Variants in ZNF609 observed in about 807,000 individuals in gnomAD.
The protein encoded by ZNF609 is zinc finger protein 609.
In ZNF609, 11 loss-of-function variants were observed where a neutral mutation model predicts 109.5. The observed-to-expected ratio is 0.10, with a 90% CI of 0.06 to 0.17. The LOEUF (loss-of-function observed/expected upper bound fraction) is 0.17, where lower values mean the gene tolerates loss of function less well. ZNF609 is among the 10% of genes least tolerant of loss of function. The pLI, the probability that ZNF609 is intolerant of heterozygous loss-of-function variation, is 1.00. For missense variants in ZNF609, 1,559 were observed against 1,772.4 expected, an observed-to-expected ratio of 0.88 and a Z score of 2.16; for synonymous variants, 646 against 662.0, an observed-to-expected ratio of 0.98 and a Z score of 0.37.
chr15:64,522,455 C>T (rs1893905731), intron 2 of ZNF609, among the ~76,000 whole-genome samples: 1 of 152,132 alleles, frequency 6.6e-6, no homozygotes, highest in Non-Finnish European at 1.5e-5. Context: ...ACTGGTTTGG[C>T]CCTGCTTGGC....
chr15:64,491,628 C>T (rs1186155786), intron 1 of ZNF609, among the ~76,000 whole-genome samples: 2 of 151,790 alleles, frequency 1.3e-5, no homozygotes, highest in Non-Finnish European at 2.9e-5. Flanking sequence ...GTGGGCAGAT[C>T]ACTAGGTCAG....
intron 2 of ZNF609, among the ~76,000 whole-genome samples, chr15:64,547,927 A>G (rs1379916031): frequency 6.6e-6 from 1 of 152,192 alleles, no homozygotes; most frequent in Non-Finnish European, 1.5e-5. Flanking sequence ...ATACCCTTGT[A>G]GATTACTTTT....
chr15:64,584,733 A>T (rs1216849617), intron 2 of ZNF609, among the ~76,000 whole-genome samples: 1 of 151,616 alleles, frequency 6.6e-6, no homozygotes, highest in African/African-American at 2.4e-5. Flanking sequence ...AGTTCAAGTG[A>T]TTCTCCTGCC....
intron 1 of ZNF609, among the ~76,000 whole-genome samples, chr15:64,463,390 C>T (rs1009726714): frequency 1.3e-4 from 19 of 145,980 alleles, no homozygotes; most frequent in Non-Finnish European, 1.8e-4. Flanking sequence ...TAGAGCAGGA[C>T]CTTGTCTTTA....
intron 2 of ZNF609, among the ~76,000 whole-genome samples, chr15:64,618,152 GTCTTGC>G (rs1895827796): frequency 6.6e-6 from 1 of 151,998 alleles, no homozygotes. Context: ...TTGAGACAGG[GTCTTGC>G]TCTGTTGCAC....
At chr15:64,662,162 T>C (rs961285050) in intron 3 of ZNF609, among the ~76,000 whole-genome samples, 13 of 152,160 alleles carry the variant, frequency 8.5e-5, no homozygotes, top group Non-Finnish European at 1.5e-4. Context: ...GACTTCTCCA[T>C]AGGGCTGCTT....
intron 2 of ZNF609, among the ~76,000 whole-genome samples, chr15:64,612,118 C>T (rs542774659): frequency 2.0e-5 from 3 of 151,574 alleles, no homozygotes; most frequent in African/African-American, 7.3e-5. Flanking sequence ...TTAAGTACTA[C>T]ATTAAGTCTT....
chr15:64,637,769 A>G (rs1290856515), intron 3 of ZNF609, among the ~76,000 whole-genome samples: 6 of 151,856 alleles, frequency 4.0e-5, no homozygotes, highest in Non-Finnish European at 5.9e-5. Flanking sequence ...AATTCTTTGC[A>G]TATTCTGGTT....
At chr15:64,660,777 G>A (rs1392306889) in intron 3 of ZNF609, among the ~76,000 whole-genome samples, 3 of 152,126 alleles carry the variant, frequency 2.0e-5, no homozygotes, top group Non-Finnish European at 4.4e-5. Context: ...TGCCTAAAAT[G>A]TCTTCTAATT....
rs145273055 is a variant in ZNF609, at chr15:64,488,922, G to A, written c.-127-10371G>A. On this transcript the variant is annotated intron_variant, in intron 1 of 9. Transcript: ENST00000326648. ...ACTTTGTTTCTACAAAAAAAAGAAA[G>A]AAAGAAAGAAAGAAAGAAAGAAACA... 3.6e-3 allele frequency among the ~76,000 whole-genome samples: 29 copies of A among 8,072 alleles called. 2 individuals carry two copies. Among genetic ancestry groups the A allele is most frequent in the Non-Finnish European group, 0.023 (8 of 354 alleles). The allele number at this position is 8,072 out of a possible 152,430, so 5.3% of individuals were successfully genotyped here.
chr15:64,550,465 A>G (rs1204831947), intron 2 of ZNF609, among the ~76,000 whole-genome samples: 1 of 152,102 alleles, frequency 6.6e-6, no homozygotes, highest in Non-Finnish European at 1.5e-5. Context: ...AAGCCAAGGC[A>G]GGAAGATTGC....
At chr15:64,611,690 GAGAA>G (rs1218180300) in intron 2 of ZNF609, among the ~76,000 whole-genome samples, 2 of 151,918 alleles carry the variant, frequency 1.3e-5, no homozygotes, top group East Asian at 1.9e-4. Flanking sequence ...AAAATCAAAA[GAGAA>G]AGAAACAAAA....
rs767475109 is a variant in ZNF609 at position 64,622,869 on chromosome 15, C to T, written c.790C>T (p.Leu264Phe). 2 of 1,614,248 alleles carry T rather than the reference C, an allele frequency of 1.2e-6. No homozygotes were observed. The highest frequency in any genetic ancestry group is 1.1e-5 in the South Asian group (1 of 91,086). Residue 264 changes from leucine to phenylalanine, a missense_variant, in exon 3 of 10, where the codon CTT becomes TTT. Physicochemically the swap from Leu to Phe is conservative, Grantham distance 22. This residue lies in a region of ZNF609 where 291 missense variants were observed against 317.8 expected (regional missense o/e 0.92). Transcript: ENST00000326648. ...VSTPAVLPIH[L>F]LVPVVNNDIS... ...CACACCAGCAGTGCTGCCAATACAC[C>T]TTTTGGTGCCAGTGGTCAACAATGA...
At chr15:64,521,628 C>T (rs966321215) in intron 2 of ZNF609, among the ~76,000 whole-genome samples, 4 of 152,214 alleles carry the variant, frequency 2.6e-5, no homozygotes, top group African/African-American at 7.2e-5. Flanking sequence ...AATCAAGGCT[C>T]ATAACCTTTA....
intron 2 of ZNF609, among the ~76,000 whole-genome samples, chr15:64,579,347 C>T (rs1895055361): frequency 1.4e-5 from 2 of 148,108 alleles, no homozygotes; most frequent in African/African-American, 5.0e-5. Flanking sequence ...GGAGGTCAAG[C>T]TGCAGTCAGT....
chr15:64,675,701 C>G lies in ZNF609; in HGVS notation c.2847C>G (p.Pro949=). ...VKNDICEEKK[P]ELSSSSQQPS... is the part of the protein sequence containing the mutation. ...ACGATATCTGTGAAGAAAAGAAGCC[C>G]GAGCTGAGCAGTTCCAGTCAGCAGC... The change falls in exon 5 of 10, where the codon CCC becomes CCG. Residue 949 remains proline (P), a synonymous_variant. Coordinates refer to ENST00000326648, the MANE Select transcript of ZNF609 (RefSeq NM_015042.2). 6.2e-7 allele frequency: 1 copy of G among 1,614,076 alleles called. No individual in the cohort carries two copies. Among genetic ancestry groups the G allele is most frequent in the African/African-American group, 1.3e-5 (1 of 75,014 alleles).
At chr15:64,663,662 T>C (rs1370729355) in intron 3 of ZNF609, among the ~76,000 whole-genome samples, 1 of 152,024 alleles carries the variant, frequency 6.6e-6, no homozygotes, top group African/African-American at 2.4e-5. Context: ...GAGAGTATGG[T>C]GTTCTGGAAG....
intron 8 of ZNF609, 96 bp from the exon 9 acceptor site, chr15:64,681,212 CA>C (rs1303820270): frequency 6.7e-6 from 7 of 1,052,066 alleles, no homozygotes; most frequent in Non-Finnish European, 1.0e-5. Flanking sequence ...GGCTGAGTAT[CA>C]GATTTTTTTT....
chr15:64,622,127 A>T (rs572221711), intron 2 of ZNF609, among the ~76,000 whole-genome samples: 1 of 152,302 alleles, frequency 6.6e-6, no homozygotes, highest in East Asian at 1.9e-4. Flanking sequence ...TCTTATAGAT[A>T]AATTTGATGT....
Sources: allele counts gnomAD v4.1 joint callset (sites outside exome capture counted in the v4.1 genomes callset), GRCh38; gene constraint gnomAD v4.1.1; regional missense constraint gnomAD v4.1.1; transcripts MANE v1.5; gene names NCBI Gene and HGNC (gene_info 2026-07-23, HGNC 2026-07-21).